KCNC2: variants seen among roughly 807,000 people sequenced by gnomAD.
KCNC2 encodes the protein potassium voltage-gated channel subfamily C member 2.
A neutral mutation model predicts 44.5 loss-of-function variants in KCNC2; 21 were observed. The ratio of observed to expected loss-of-function variants is 0.47; its 90% CI spans 0.33 to 0.68. The LOEUF (loss-of-function observed/expected upper bound fraction) is 0.68, where lower values mean the gene tolerates loss of function less well. Among genes scored for constraint, KCNC2 ranks in the 30% least tolerant of loss-of-function variants. The pLI is 0.01. For missense variants in KCNC2, 589 were observed against 826.2 expected, an observed-to-expected ratio of 0.71 and a Z score of 3.52; for synonymous variants, 391 against 339.1, an observed-to-expected ratio of 1.15 and a Z score of -1.68.
chr12:75,115,853 T>C (rs1009145135), intron 2 of KCNC2, among the ~76,000 whole-genome samples: 3 of 152,108 alleles, frequency 2.0e-5, no homozygotes, highest in Non-Finnish European at 4.4e-5. Flanking sequence ...AAATAATGAA[T>C]ATAATTACAA....
chr12:75,173,989 G>C (rs989401971), intron 2 of KCNC2, among the ~76,000 whole-genome samples: 1 of 151,518 alleles, frequency 6.6e-6, no homozygotes, highest in Non-Finnish European at 1.5e-5. Context: ...CTATTTCATG[G>C]CATGTCATTT....
chr12:75,144,650 A>G (rs1889889795), intron 2 of KCNC2, among the ~76,000 whole-genome samples: 1 of 151,912 alleles, frequency 6.6e-6, no homozygotes, highest in South Asian at 2.1e-4. Flanking sequence ...GTATATATAT[A>G]TATGTACAAC....
chr12:75,200,515 C>G (rs956781986), intron 2 of KCNC2, among the ~76,000 whole-genome samples: 1 of 151,810 alleles, frequency 6.6e-6, no homozygotes, highest in African/African-American at 2.4e-5. Flanking sequence ...CAAATCTATT[C>G]TATCTCTTAC....
rs1015040494 is a variant in KCNC2, at chr12:75,139,132, C to T, written c.687+68165G>A. 4.6e-5 allele frequency among the ~76,000 whole-genome samples: 7 copies of T among 151,996 alleles called. No individual in the cohort carries two copies. The East Asian group carries it at 1.2e-3, about 25-fold the overall frequency. On this transcript the variant is annotated intron_variant, in intron 2 of 4. Coordinates refer to ENST00000549446, the MANE Select transcript of KCNC2 (RefSeq NM_139137.4). Reference sequence around the variant, plus strand: ...ATGAGGTCCTAGAGACCTCAGGGACCTAATAAATCACATTATTTACTGTCT... The same window carrying T: ...ATGAGGTCCTAGAGACCTCAGGGACTTAATAAATCACATTATTTACTGTCT...
intron 2 of KCNC2, among the ~76,000 whole-genome samples, chr12:75,142,268 A>G (rs1592957178): frequency 6.6e-6 from 1 of 152,348 alleles, no homozygotes; most frequent in East Asian, 1.9e-4. Flanking sequence ...AACAAAACAA[A>G]GAGATAAGAC....
chr12:75,184,733 T>C (rs960992647), intron 2 of KCNC2, among the ~76,000 whole-genome samples: 5 of 152,318 alleles, frequency 3.3e-5, no homozygotes, highest in Admixed American at 6.5e-5. Flanking sequence ...AATTATCTCA[T>C]AGCACCTGGG....
chr12:75,057,215 A>ATG (rs1881841904), intron 2 of KCNC2, among the ~76,000 whole-genome samples: 4 of 152,000 alleles, frequency 2.6e-5, no homozygotes, highest in African/African-American at 7.2e-5. Flanking sequence ...CTTCTTTTTT[A>ATG]CAGCACCATA....
chr12:75,141,169 T>C (rs776457987), intron 2 of KCNC2, among the ~76,000 whole-genome samples: 6 of 152,160 alleles, frequency 3.9e-5, no homozygotes, highest in Non-Finnish European at 7.3e-5. Context: ...AAGTTGCAGT[T>C]TTCTAACCTG....
intron 2 of KCNC2, among the ~76,000 whole-genome samples, chr12:75,080,987 A>T (rs1027745597): frequency 6.6e-6 from 1 of 152,110 alleles, no homozygotes; most frequent in African/African-American, 2.4e-5. Context: ...TAATCTTCTC[A>T]TCACAGATTC....
intron 2 of KCNC2, among the ~76,000 whole-genome samples, chr12:75,069,827 T>G (rs903907954): frequency 6.6e-6 from 1 of 152,164 alleles, no homozygotes; most frequent in Admixed American, 6.5e-5. Flanking sequence ...TACACTGTTT[T>G]CACCTTTCCT....
chr12:75,057,054 A>T (rs1465123805), intron 2 of KCNC2, among the ~76,000 whole-genome samples: 1 of 152,016 alleles, frequency 6.6e-6, no homozygotes, highest in Non-Finnish European at 1.5e-5. Flanking sequence ...ATTCTCTACA[A>T]AAAACTTTAA....
At chr12:75,148,326 T>C (rs1322788654) in intron 2 of KCNC2, among the ~76,000 whole-genome samples, 3 of 152,068 alleles carry the variant, frequency 2.0e-5, no homozygotes, top group Non-Finnish European at 4.4e-5. Context: ...AGCTCTTCCA[T>C]GGCTGACATG....
At chr12:75,176,540 C>T (rs983032384) in intron 2 of KCNC2, among the ~76,000 whole-genome samples, 10 of 152,080 alleles carry the variant, frequency 6.6e-5, no homozygotes, top group Middle Eastern at 6.8e-3. Flanking sequence ...CAAATGGCCT[C>T]ACAGTTCCTC....
intron 2 of KCNC2, among the ~76,000 whole-genome samples, chr12:75,101,602 C>A (rs139528255): frequency 2.1e-3 from 321 of 152,156 alleles, no homozygotes; most frequent in Non-Finnish European, 3.4e-3. Flanking sequence ...ATCACTTTTT[C>A]TTTCTAAGAG....
At chr12:75,137,652 A>C (rs953188038) in intron 2 of KCNC2, among the ~76,000 whole-genome samples, 5 of 152,340 alleles carry the variant, frequency 3.3e-5, no homozygotes, top group Admixed American at 2.0e-4. Flanking sequence ...AAACCTTTCT[A>C]TACAGATCAT....
At chr12:75,121,478 A>G (rs1000702217) in intron 2 of KCNC2, among the ~76,000 whole-genome samples, 2 of 152,256 alleles carry the variant, frequency 1.3e-5, no homozygotes, top group Non-Finnish European at 2.9e-5. Context: ...AAGTTTTCAT[A>G]TGAGCTAGGA....
rs756608460 is a variant in KCNC2, at chr12:75,197,915, G to A, written c.687+9382C>T. Reference sequence around the variant, plus strand: ...AATCACCTAAGATAGATAAATCAGCGATGAATTGAATCAATGATGAAAAAA... The same window carrying A: ...AATCACCTAAGATAGATAAATCAGCAATGAATTGAATCAATGATGAAAAAA... On this transcript the variant is annotated intron_variant, in intron 2 of 4. Transcript: ENST00000549446. 2.6e-5 allele frequency among the ~76,000 whole-genome samples: 4 copies of A among 151,756 alleles called. No individual in the cohort carries two copies. In the East Asian group the frequency reaches 7.7e-4, roughly 29 times the overall value.
At chr12:75,087,838 A>C (rs986391421) in intron 2 of KCNC2, among the ~76,000 whole-genome samples, 1 of 152,044 alleles carries the variant, frequency 6.6e-6, no homozygotes, top group African/African-American at 2.4e-5. Context: ...CCTTTCCAAA[A>C]AGCATCTTCA....
intron 2 of KCNC2, chr12:75,140,236 A>G (rs1300711051): frequency 6.6e-6 from 1 of 152,184 alleles, no homozygotes; most frequent in Non-Finnish European, 1.5e-5. Flanking sequence ...TCATGTAAGA[A>G]TCTATCAAGC....
Sources: gnomAD v4.1 joint callset for allele counts (sites outside exome capture counted in the v4.1 genomes callset) on GRCh38, gnomAD v4.1.1 for gene constraint, MANE v1.5 for transcripts, NCBI Gene and HGNC (gene_info 2026-07-23, HGNC 2026-07-21) for gene names.